The following LMNTD1 variants were observed in gnomAD, a reference collection of about 807,000 sequenced individuals.
LMNTD1 encodes lamin tail domain-containing protein 1.
In LMNTD1, 35 loss-of-function variants were observed where a neutral mutation model predicts 50.9. The observed-to-expected ratio is 0.69, with a 90% CI of 0.53 to 0.91. The LOEUF is 0.91. LMNTD1 is among the 40% of genes least tolerant of loss of function. The pLI is 0.00. For synonymous variants in LMNTD1, 153 were observed against 161.9 expected (o/e 0.94, Z 0.42); for missense variants, 470 against 475.5 (o/e 0.99, Z 0.11).
At chr12:25,630,768 G>T (rs140576368) in intron 1 of LMNTD1, 2 of 152,578 alleles carry the variant, frequency 1.3e-5, no homozygotes, top group East Asian at 1.9e-4. Context: ...TTCACAGGGA[G>T]AAGGAAATCT....
At chr12:25,546,646 T>C (rs1387820145) in intron 3 of LMNTD1, 92 bp from the exon 4 acceptor site, 1 of 679,462 alleles carries the variant, frequency 1.5e-6, no homozygotes, top group Non-Finnish European at 2.2e-6. Context: ...ATTCTCTGCT[T>C]CTACAAAATT....
chr12:25,488,007 T>C (rs1938721597), intron 9 of LMNTD1, among the ~76,000 whole-genome samples: 1 of 149,404 alleles, frequency 6.7e-6, no homozygotes, highest in African/African-American at 2.5e-5. Context: ...GATCCACTGT[T>C]AGTCTGATGG....
At chr12:25,595,090 A>T (rs1009547375) in intron 1 of LMNTD1, among the ~76,000 whole-genome samples, 4 of 152,132 alleles carry the variant, frequency 2.6e-5, no homozygotes, top group African/African-American at 7.2e-5. Flanking sequence ...TAAAACAATT[A>T]CTAAGAGACC....
At chr12:25,608,528 G>A (rs1946170109) in intron 1 of LMNTD1, among the ~76,000 whole-genome samples, 1 of 152,176 alleles carries the variant, frequency 6.6e-6, no homozygotes, top group African/African-American at 2.4e-5. Context: ...GGCAGGCCTG[G>A]TGGTGACAAA....
intron 9 of LMNTD1, among the ~76,000 whole-genome samples, chr12:25,496,541 A>G (rs994637009): frequency 2.0e-5 from 3 of 152,186 alleles, no homozygotes; most frequent in Non-Finnish European, 4.4e-5. Context: ...CGGAGTGTCC[A>G]AAAATGAGGA....
At chr12:25,573,499 G>A (rs1410899467) in intron 1 of LMNTD1, among the ~76,000 whole-genome samples, 2 of 152,052 alleles carry the variant, frequency 1.3e-5, no homozygotes, top group Non-Finnish European at 2.9e-5. Context: ...ACTCTAAAAC[G>A]GACAGAGCCC....
chr12:25,603,270 G>T (rs916264700), intron 1 of LMNTD1, among the ~76,000 whole-genome samples: 3 of 152,012 alleles, frequency 2.0e-5, no homozygotes, highest in African/African-American at 7.2e-5. Context: ...TAGGAATATT[G>T]CAAAATGTTT....
intron 2 of LMNTD1, among the ~76,000 whole-genome samples, chr12:25,549,884 T>G (rs1212913475): frequency 2.6e-5 from 4 of 152,198 alleles, no homozygotes; most frequent in Non-Finnish European, 5.9e-5. Flanking sequence ...AATGTACTTT[T>G]TACTCTAAGT....
upstream of LMNTD1, among the ~76,000 whole-genome samples, chr12:25,555,663 T>A (rs373599175): frequency 6.6e-4 from 101 of 152,304 alleles, no homozygotes; most frequent in South Asian, 5.4e-3. Context: ...TGATATGACG[T>A]CCTCTGTTTC....
intron 9 of LMNTD1, among the ~76,000 whole-genome samples, chr12:25,478,979 C>T (rs906394651): frequency 4.6e-5 from 7 of 151,900 alleles, no homozygotes; most frequent in Admixed American, 3.3e-4. Context: ...TCCCATTGAC[C>T]TTAATCACAG....
At chr12:25,548,050 T>C (rs533115585) in intron 3 of LMNTD1, among the ~76,000 whole-genome samples, 2 of 151,762 alleles carry the variant, frequency 1.3e-5, no homozygotes, top group Non-Finnish European at 3.0e-5. Context: ...TGATAGAAAA[T>C]CTTTTCTTCC....
At chr12:25,616,113 C>T (rs1168563308) in intron 1 of LMNTD1, among the ~76,000 whole-genome samples, 1 of 151,936 alleles carries the variant, frequency 6.6e-6, no homozygotes, top group Non-Finnish European at 1.5e-5. Context: ...CACACACACA[C>T]ACACACAGTG....
intron 1 of LMNTD1, among the ~76,000 whole-genome samples, chr12:25,593,930 A>G (rs1945776482): frequency 6.6e-6 from 1 of 152,206 alleles, no homozygotes; most frequent in South Asian, 2.1e-4. Flanking sequence ...ATGCTGTGGC[A>G]AGTCTCTGAA....
At position 25,553,250 on chromosome 12, in the gene LMNTD1, G is replaced by A. The variant is rs2136265473; in HGVS notation, c.-212C>T. 1 of 1,466,020 alleles carries A rather than the reference G, an allele frequency of 6.8e-7. No homozygotes were observed. Among genetic ancestry groups the A allele is most frequent in the Non-Finnish European group, 9.0e-7 (1 of 1,111,980 alleles). The allele number at this position is 1,466,020 out of a possible 1,614,324, so 90.8% of individuals were successfully genotyped here. On this transcript the variant is annotated 5_prime_UTR_variant, in exon 1 of 10. Coordinates refer to ENST00000458174, the MANE Select transcript of LMNTD1 (RefSeq NM_001145728.2). The stretch of plus-strand genomic sequence containing the variant: ...GCATTCACTGGAAGCAGCTTGAGAG[G>A]GCAGTAACTTGGCAAAGAGACCTTT...
intron 1 of LMNTD1, chr12:25,586,238 T>C (rs1011810952): frequency 1.3e-5 from 2 of 151,974 alleles, no homozygotes; most frequent in East Asian, 1.9e-4. Context: ...AAATTCCCCA[T>C]GATGATACCT....
chr12:25,644,721 TAGA>T (rs913766070), intron 1 of LMNTD1, among the ~76,000 whole-genome samples: 16 of 152,054 alleles, frequency 1.1e-4, no homozygotes, highest in African/African-American at 2.7e-4. Context: ...TGCTGCAGAA[TAGA>T]AGGAGTTTAA....
Position 25,518,810 on chromosome 12 carries a change from G to T in LMNTD1, c.1174C>A (p.Pro392Thr). 1 of 1,614,090 alleles carries T rather than the reference G, an allele frequency of 6.2e-7. No homozygotes were observed. ...DRQPRTRSTR[P>T]NRASGSKKKK... The stretch of plus-strand genomic sequence containing the variant: ...TTTAACTGACCTGAGGCTCGATTAG[G>T]TCTGGTTGACCGAGTCCTGGGCTGT... The change falls in exon 8 of 10, where the codon CCT (proline) becomes ACT (threonine). Residue 392 changes from proline (P) to threonine (T), a missense_variant. Pro to Thr is a conservative substitution (Grantham distance 38). Coordinates refer to ENST00000458174, the MANE Select transcript of LMNTD1 (RefSeq NM_001145728.2).
chr12:25,500,643 GCT>G (rs1335731801), intron 9 of LMNTD1, among the ~76,000 whole-genome samples: 1 of 152,126 alleles, frequency 6.6e-6, no homozygotes, highest in Admixed American at 6.5e-5. Flanking sequence ...TTGTTCCCCT[GCT>G]CTTTCTTCCA....
chr12:25,526,286 A>T, intron 5 of LMNTD1, 68 bp from the exon 6 acceptor site: 1 of 1,436,230 alleles, frequency 7.0e-7, no homozygotes, highest in Non-Finnish European at 9.5e-7. Context: ...TCATAGGGTT[A>T]CTCCAACATA....
Sources: gnomAD v4.1 joint callset for allele counts (sites outside exome capture counted in the v4.1 genomes callset) on GRCh38, gnomAD v4.1.1 for gene constraint, MANE v1.5 for transcripts, NCBI Gene and HGNC (gene_info 2026-07-23, HGNC 2026-07-21) for gene names.